Variants in UQCRC2 observed in about 807,000 individuals in gnomAD.
The protein encoded by UQCRC2 is ubiquinol-cytochrome c reductase core protein 2.
A neutral mutation model predicts 55.6 loss-of-function variants in UQCRC2; 49 were observed. The ratio of observed to expected loss-of-function variants is 0.88; its 90% CI spans 0.70 to 1.12. The LOEUF (loss-of-function observed/expected upper bound fraction) is 1.12, where lower values mean the gene tolerates loss of function less well. Ranked by LOEUF, UQCRC2 falls within the 50% of genes most tolerant of loss-of-function variation. UQCRC2 has a pLI of 0.00. For missense variants in UQCRC2, 506 were observed against 547.8 expected, an observed-to-expected ratio of 0.92 and a Z score of 0.76; for synonymous variants, 193 against 192.0, an observed-to-expected ratio of 1.01 and a Z score of -0.04.
At chr16:21,961,603 G>T (rs1476221499) in intron 4 of UQCRC2, 2 of 114,464 alleles carry the variant, frequency 1.7e-5, no homozygotes, top group African/African-American at 5.9e-5. Flanking sequence ...AAAAATTGTG[G>T]TCAAATGTAT....
intron 1 of UQCRC2, 73 bp from the exon 2 acceptor site, chr16:21,957,162 C>G: frequency 3.4e-6 from 5 of 1,485,140 alleles, no homozygotes; most frequent in Non-Finnish European, 4.6e-6. Context: ...CTTGGGTACC[C>G]TAAGATACCA....
At chr16:21,957,141 A>C in intron 1 of UQCRC2, 94 bp from the exon 2 acceptor site, 1 of 1,203,148 alleles carries the variant, frequency 8.3e-7, no homozygotes. Flanking sequence ...ACCCCCGAAC[A>C]CCCTCTGTCG....
chr16:21,972,417 C>T (rs1898484968), intron 10 of UQCRC2, among the ~76,000 whole-genome samples: 1 of 152,172 alleles, frequency 6.6e-6, no homozygotes, highest in Non-Finnish European at 1.5e-5. Flanking sequence ...ATTAAACTTT[C>T]CCCTAGATTC....
At chr16:21,963,535 CT>C (rs1469642629) in intron 6 of UQCRC2, among the ~76,000 whole-genome samples, 2 of 152,050 alleles carry the variant, frequency 1.3e-5, no homozygotes, top group Admixed American at 6.6e-5. Flanking sequence ...GTGGCACAAT[CT>C]CACTGCAGCC....
At chr16:21,956,864 A>G (rs1243423298) in intron 1 of UQCRC2, among the ~76,000 whole-genome samples, 2 of 152,138 alleles carry the variant, frequency 1.3e-5, no homozygotes, top group East Asian at 3.9e-4. Context: ...GGAGTTCAAG[A>G]CCAGCTTGGC....
intron 13 of UQCRC2, 118 bp from the exon 14 acceptor site, chr16:21,982,963 CAAAAAAA>C: frequency 9.4e-5 from 50 of 529,964 alleles, no homozygotes; most frequent in Admixed American, 1.8e-4. Flanking sequence ...GACTCCACCT[CAAAAAAA>C]AAAAAAAAAA....
At chr16:21,955,424 G>A (rs1898072100) in intron 1 of UQCRC2, among the ~76,000 whole-genome samples, 1 of 152,170 alleles carries the variant, frequency 6.6e-6, no homozygotes, top group African/African-American at 2.4e-5. Context: ...GGGATGTCCG[G>A]GAAACTCCAG....
chr16:21,975,352 C>T (rs920430201), intron 11 of UQCRC2, among the ~76,000 whole-genome samples: 2 of 152,064 alleles, frequency 1.3e-5, no homozygotes, highest in East Asian at 1.9e-4. Context: ...AGACTGAGGT[C>T]GGGGTCTTAG....
rs780172690 is a variant in UQCRC2 at position 21,974,023 on chromosome 16, C to A, written c.1047+47C>A. 8.3e-6 allele frequency: 12 copies of A among 1,449,900 alleles called. No individual in the cohort carries two copies. In the African/African-American group the frequency reaches 1.4e-4, roughly 17 times the overall value. The allele number at this position is 1,449,900 out of a possible 1,614,324, so 89.8% of individuals were successfully genotyped here. A position where few individuals can be genotyped will look rare whatever the true frequency, so the allele number is the denominator to read the frequency against. Reference sequence around the variant, plus strand: ...CTTCTTTCATGAACAAGTTATTTCTCCCCCCCGCCATAAACATGTTTTCGG... The same window carrying A: ...CTTCTTTCATGAACAAGTTATTTCTACCCCCCGCCATAAACATGTTTTCGG... On this transcript the variant is annotated intron_variant, in intron 11 of 13. Coordinates refer to ENST00000268379, the MANE Select transcript of UQCRC2 (RefSeq NM_003366.4).
intron 6 of UQCRC2, among the ~76,000 whole-genome samples, chr16:21,963,859 A>G (rs1044973135): frequency 1.3e-5 from 2 of 152,134 alleles, no homozygotes; most frequent in Admixed American, 6.5e-5. Context: ...TATTGCTATT[A>G]TTGTTTAGCC....
chr16:21,971,467 T>C, intron 8 of UQCRC2, 58 bp from the exon 9 acceptor site: 1 of 1,378,614 alleles, frequency 7.3e-7, no homozygotes, highest in South Asian at 1.2e-5. Context: ...AAAAAATATT[T>C]TACGATTGTG....
intron 3 of UQCRC2, 127 bp from the exon 4 acceptor site, chr16:21,958,408 C>A: frequency 1.2e-6 from 1 of 804,104 alleles, no homozygotes; most frequent in Non-Finnish European, 2.0e-6. Flanking sequence ...TAATTCTTAA[C>A]TAAAAAGGAT....
chr16:21,967,814 A>G (rs1328794015), intron 7 of UQCRC2, among the ~76,000 whole-genome samples: 2 of 152,130 alleles, frequency 1.3e-5, no homozygotes, highest in Non-Finnish European at 2.9e-5. Flanking sequence ...GATTGGCTTC[A>G]AAGATGGACG....
chr16:21,976,128 T>C (rs754944940), intron 11 of UQCRC2, 39 bp from the exon 12 acceptor site: 1 of 1,458,144 alleles, frequency 6.9e-7, no homozygotes, highest in Non-Finnish European at 9.6e-7. Context: ...GAGACTCTGG[T>C]ACTGACCACA....
Position 21,965,404 on chromosome 16 carries a change from A to G in UQCRC2, c.515-4A>G, listed in dbSNP as rs182472683. 75 of 1,613,460 alleles carry G rather than the reference A, an allele frequency of 4.6e-5. 1 individual carries two copies. In the East Asian group the frequency reaches 1.6e-3, roughly 34 times the overall value. The stretch of plus-strand genomic sequence containing the variant: ...CCCTAAATGCTTCTTCACTTATCTC[A>G]CAGATGTCATTGAAAATTTGCATGC... On this transcript the variant is annotated splice_region_variant and splice_polypyrimidine_tract_variant and intron_variant, in intron 6 of 13. Coordinates refer to ENST00000268379, the MANE Select transcript of UQCRC2 (RefSeq NM_003366.4).
intron 11 of UQCRC2, among the ~76,000 whole-genome samples, chr16:21,975,625 C>T (rs574967095): frequency 1.3e-5 from 2 of 152,260 alleles, no homozygotes; most frequent in South Asian, 4.1e-4. Context: ...TACAAGGATT[C>T]AGATTCCTTC....
At chr16:21,959,583 G>A (rs750807459) in intron 4 of UQCRC2, 18 of 152,864 alleles carry the variant, frequency 1.2e-4, no homozygotes, top group Non-Finnish European at 1.8e-4. Context: ...CCAAACTCAC[G>A]TTAATGTTGA....
chr16:21,970,645 G>T (rs759066550), intron 8 of UQCRC2, among the ~76,000 whole-genome samples: 1 of 152,122 alleles, frequency 6.6e-6, no homozygotes, highest in African/African-American at 2.4e-5. Context: ...GAGTGCAGTG[G>T]CGCAATCTCA....
At chr16:21,961,640 ATATATATATATATATATATATATATAT>A (rs1229130177) in intron 4 of UQCRC2, among the ~76,000 whole-genome samples, 4 of 56,834 alleles carry the variant, frequency 7.0e-5, no homozygotes, top group African/African-American at 5.2e-4. Flanking sequence ...ATATATATAT[ATATATATATATATATATATATATATAT>A]ATTTTAGACA....
Sources: allele counts gnomAD v4.1 joint callset (sites outside exome capture counted in the v4.1 genomes callset), GRCh38; gene constraint gnomAD v4.1.1; transcripts MANE v1.5; gene names NCBI Gene and HGNC (gene_info 2026-07-23, HGNC 2026-07-21).